The following TAOK2 variants were observed in gnomAD, a reference collection of about 807,000 sequenced individuals.
The protein encoded by TAOK2 is serine/threonine-protein kinase TAO2.
A neutral mutation model predicts 122.5 loss-of-function variants in TAOK2; 42 were observed. The observed-to-expected ratio is 0.34, with a 90% CI of 0.27 to 0.44. The LOEUF (loss-of-function observed/expected upper bound fraction) is 0.44, where lower values mean the gene tolerates loss of function less well. Ranked by LOEUF, TAOK2 falls within the 20% of genes least tolerant of loss-of-function variation. TAOK2 has a pLI of 1.00. For missense variants in TAOK2, 1,264 were observed against 1,644.9 expected (o/e 0.77, Z 4.01); for synonymous variants, 704 against 677.6 (o/e 1.04, Z -0.61).
chr16:29,987,902 C>A lies in TAOK2; in HGVS notation c.3630C>A (p.Ser1210=). The A allele has an allele frequency of 6.3e-7, 1 of 1,589,416 alleles. No homozygotes were observed. The highest frequency in any genetic ancestry group is 8.5e-7 in the Non-Finnish European group (1 of 1,171,934). The change falls in exon 16 of 16, where the codon TCC becomes TCA. Residue 1210 remains serine, a synonymous_variant. Transcript: ENST00000308893. ...RSQRQLGPPA[S]RQPLPGTLAG... is the part of the protein sequence containing the mutation. ...AGCGCCAGCTAGGGCCCCCTGCCTC[C>A]CGCCAGCCACTGCCAGGGACTCTAG... is the stretch of plus-strand genomic sequence containing the variant.
At chr16:29,975,104 G>T (rs1000650947) in intron 1 of TAOK2, among the ~76,000 whole-genome samples, 1 of 152,120 alleles carries the variant, frequency 6.6e-6, no homozygotes, top group African/African-American at 2.4e-5. Context: ...GGAAGTGTGT[G>T]TATATGTGTT....
chr16:29,977,701 A>G lies in TAOK2; in HGVS notation c.-35-37A>G, dbSNP rs983457886. ...GTCCCTTCCTCTCCCTGAAGGCTCA[A>G]TCCTTGATCTCTAAGGGTCCCATTT... On this transcript the variant is annotated intron_variant, in intron 1 of 15. Transcript: ENST00000308893. 1.8e-5 allele frequency: 28 copies of G among 1,576,478 alleles called. 1 individual carries two copies. The highest frequency in any genetic ancestry group is 4.2e-4 in the Middle Eastern group (2 of 4,778).
At chr16:29,984,217 C>A (rs2069711374) in intron 13 of TAOK2, among the ~76,000 whole-genome samples, 1 of 152,208 alleles carries the variant, frequency 6.6e-6, no homozygotes, top group Admixed American at 6.5e-5. Flanking sequence ...CCCAGCCCCC[C>A]TGGGAGGGGA....
downstream of TAOK2, chr16:29,991,055 G>C: frequency 2.5e-6 from 4 of 1,574,240 alleles, no homozygotes; most frequent in Middle Eastern, 3.4e-4. This position sits in a 1 kb window ranked among gnomAD's most constrained non-coding sequence, Gnocchi z 5.6. Flanking sequence ...AGGTGGAAGA[G>C]GAGCTGCTGG....
In TAOK2 at chr16:29,985,570, C is replaced by T; in HGVS notation, c.1780C>T (p.Leu594=). ...KRTYKLRKEQ[L]KEELQENPST... is the part of the protein sequence containing the mutation. ...GACCTACAAACTTCGCAAGGAACAGCTGAAGGAGGTGAGCTAGGGCTGCTT... is the reference window on the plus strand; with the variant it reads ...GACCTACAAACTTCGCAAGGAACAGTTGAAGGAGGTGAGCTAGGGCTGCTT... Residue 594 remains leucine (L), a synonymous_variant, in exon 14 of 16, where the codon CTG becomes TTG. Transcript: ENST00000308893. This position sits in a 1 kb window ranked among gnomAD's most constrained non-coding sequence, Gnocchi z 6.9. 1.9e-6 allele frequency: 3 copies of T among 1,602,412 alleles called. No homozygotes were observed. Among genetic ancestry groups the T allele is most frequent in the Non-Finnish European group, 2.6e-6 (3 of 1,172,490 alleles).
At chr16:29,988,762 G>A (rs1241116007), downstream of TAOK2, 7 of 985,400 alleles carry the variant, frequency 7.1e-6, no homozygotes, top group Non-Finnish European at 8.4e-6. Context: ...TTACCCTAGT[G>A]GGTTGGGGGA....
chr16:29,988,419 T>G (rs1269912417), downstream of TAOK2: 3 of 1,292,982 alleles, frequency 2.3e-6, no homozygotes, highest in Non-Finnish European at 3.0e-6. Context: ...AGGCTGCCTC[T>G]GTCTGCTTTG....
At chr16:29,991,324 A>G, downstream of TAOK2, 1 of 1,608,010 alleles carries the variant, frequency 6.2e-7, no homozygotes, top group Non-Finnish European at 8.5e-7. The surrounding 1 kb of genome is among the most constrained non-coding windows in gnomAD (Gnocchi z 5.6). Context: ...GCCTGGCGTC[A>G]GCCGTCTCTG....
chr16:29,974,378 G>C lies in TAOK2; in HGVS notation c.-306G>C, dbSNP rs753680406. On this transcript the variant is annotated 5_prime_UTR_variant, in exon 1 of 16. Coordinates refer to ENST00000308893, the MANE Select transcript of TAOK2 (RefSeq NM_016151.4). ...TCGGATTCAGTCTCCATCCCGTTCA[G>C]ATATTCGGGGTTCAGACCCCACAAT... The C allele has an allele frequency of 6.6e-6, 1 of 152,634 alleles. No homozygotes were observed. Among genetic ancestry groups the C allele is most frequent in the Non-Finnish European group, 1.5e-5 (1 of 68,044 alleles). The allele number at this position is 152,634 out of a possible 1,614,324, so 9.5% of individuals were successfully genotyped here. A position where few individuals can be genotyped will look rare whatever the true frequency, so the allele number is the denominator to read the frequency against.
At position 29,978,128 on chromosome 16, in the gene TAOK2, A is replaced by G. The variant is rs2150883387; in HGVS notation, c.172A>G (p.Lys58Glu). The G allele has an allele frequency of 6.2e-7, 1 of 1,614,114 alleles. No homozygotes were observed. The highest frequency in any genetic ancestry group is 8.5e-7 in the Non-Finnish European group (1 of 1,180,000). The change falls in exon 3 of 16, where the codon AAG becomes GAG. Residue 58 changes from lysine (K) to glutamate (E), a missense_variant. By Grantham distance (56) the Lys-to-Glu change is moderately conservative. Around this residue, in one of 4 missense-constraint regions of TAOK2, gnomAD observed 254 missense variants for 503.8 expected, o/e 0.50. Coordinates refer to ENST00000308893, the MANE Select transcript of TAOK2 (RefSeq NM_016151.4). ...VRNSEVVAIK[K>E]MSYSGKQSNE... ...GAATAGTGAGGTGGTGGCCATCAAG[A>G]AGATGTCCTACAGTGGGAAGCAGTC...
intron 8 of TAOK2, 136 bp from the exon 9 acceptor site, chr16:29,981,525 A>G (rs1323509518): frequency 1.3e-6 from 1 of 772,516 alleles, no homozygotes; most frequent in East Asian, 2.6e-5. Context: ...ACGCAACAGG[A>G]TGATGGGAAC....
In TAOK2 at chr16:29,977,864, T is replaced by G; in HGVS notation, c.92T>G (p.Leu31Arg). The G allele has an allele frequency of 6.2e-7, 1 of 1,614,142 alleles. No homozygotes were observed. The highest frequency in any genetic ancestry group is 8.5e-7 in the Non-Finnish European group (1 of 1,180,008). ...GACCCAGAAAAGCTCTTCTCTGACC[T>G]CCGGGAAATTGGCCATGGCAGCTTT... ...KDDPEKLFSD[L>R]REIGHGSFGA... The change falls in exon 2 of 16, where the codon CTC becomes CGC. Residue 31 changes from leucine (L) to arginine (R), a missense_variant. Transcript: ENST00000308893.
rs1233577728 is a variant in TAOK2 at position 29,983,483 on chromosome 16, T to C, written c.1261-20T>C. ...CCCAGTGGCCTCTGAGCCTTGGGTGTTCCTTCTATCTCCCTCTAGGGCTCT... is the reference window on the plus strand; with the variant it reads ...CCCAGTGGCCTCTGAGCCTTGGGTGCTCCTTCTATCTCCCTCTAGGGCTCT... On this transcript the variant is annotated intron_variant, in intron 12 of 15. Transcript: ENST00000308893. 3.1e-6 allele frequency: 5 copies of C among 1,594,660 alleles called. No homozygotes were observed. Among genetic ancestry groups the C allele is most frequent in the Non-Finnish European group, 4.3e-6 (5 of 1,166,830 alleles).
rs970533552 is a variant in TAOK2 at position 29,987,772 on chromosome 16, G to T, written c.3500G>T (p.Gly1167Val). 7 of 1,614,024 alleles carry T rather than the reference G, an allele frequency of 4.3e-6. No homozygotes were observed. Among genetic ancestry groups the T allele is most frequent in the Non-Finnish European group, 5.9e-6 (7 of 1,179,938 alleles). Reference protein sequence around the residue: ...WNWRLARASQGLASHLPPWAI... With the variant: ...WNWRLARASQVLASHLPPWAI... ...TGGCGTCTGGCACGGGCCAGCCAGG[G>T]TTTAGCATCCCACTTGCCCCCGTGG... Residue 1167 changes from glycine (G) to valine (V), a missense_variant, in exon 16 of 16, where the codon GGT becomes GTT. Transcript: ENST00000308893.
At position 29,986,947 on chromosome 16, in the gene TAOK2, G is replaced by T; in HGVS notation, c.2675G>T (p.Gly892Val). Reference protein sequence around the residue: ...DEEFELGWVQGPALTPVPEEE... With the variant: ...DEEFELGWVQVPALTPVPEEE... Reference sequence around the variant, plus strand: ...GAGTTTGAGCTTGGCTGGGTCCAGGGCCCAGCACTGACTCCCGTCCCTGAG... The same window carrying T: ...GAGTTTGAGCTTGGCTGGGTCCAGGTCCCAGCACTGACTCCCGTCCCTGAG... Residue 892 changes from glycine (G) to valine (V), a missense_variant, in exon 16 of 16, where the codon GGC becomes GTC. Physicochemically the swap from Gly to Val is moderately radical, Grantham distance 109. Coordinates refer to ENST00000308893, the MANE Select transcript of TAOK2 (RefSeq NM_016151.4). The surrounding 1 kb of genome is among the most constrained non-coding windows in gnomAD (Gnocchi z 4.2). The T allele has an allele frequency of 6.2e-7, 1 of 1,613,982 alleles. No homozygotes were observed. The highest frequency in any genetic ancestry group is 8.5e-7 in the Non-Finnish European group (1 of 1,179,904).
At position 29,985,491 on chromosome 16, in the gene TAOK2, C is replaced by T. The variant is rs984086771; in HGVS notation, c.1701C>T (p.His567=). The T allele has an allele frequency of 6.2e-7, 1 of 1,612,476 alleles. No individual in the cohort carries two copies. Among genetic ancestry groups the T allele is most frequent in the African/African-American group, 1.3e-5 (1 of 74,936 alleles). ...AQAEERKFQQ[H]ILGQQKKELA... is the part of the protein sequence containing the mutation. ...CCGAGGAGCGGAAGTTCCAGCAGCA[C>T]ATCCTTGGGCAGCAGAAGAAGGAGC... Residue 567 remains histidine, a synonymous_variant, in exon 14 of 16, where the codon CAC becomes CAT. Transcript: ENST00000308893. This position sits in a 1 kb window ranked among gnomAD's most constrained non-coding sequence, Gnocchi z 6.9.
At position 29,985,923 on chromosome 16, in the gene TAOK2, T is replaced by C; in HGVS notation, c.1992+62T>C. The C allele has an allele frequency of 6.5e-7, 1 of 1,546,154 alleles. No homozygotes were observed. Among genetic ancestry groups the C allele is most frequent in the Non-Finnish European group, 8.8e-7 (1 of 1,137,402 alleles). On this transcript the variant is annotated intron_variant, in intron 15 of 15. Coordinates refer to ENST00000308893, the MANE Select transcript of TAOK2 (RefSeq NM_016151.4). The surrounding 1 kb of genome is among the most constrained non-coding windows in gnomAD (Gnocchi z 6.9). ...CGTGGATCCCAGGGACCCACCCTTT[T>C]CCATTTTCCTCATTCTTGTCTTCTT...
In TAOK2 at chr16:29,986,159, G is replaced by C; in HGVS notation, c.1993-106G>C. On this transcript the variant is annotated intron_variant, in intron 15 of 15. Coordinates refer to ENST00000308893, the MANE Select transcript of TAOK2 (RefSeq NM_016151.4). The surrounding 1 kb of genome is among the most constrained non-coding windows in gnomAD (Gnocchi z 4.2). ...TTCCTTGATACTGACCAGGCCCTGG[G>C]CCCTGTGTTTCTTCCGCCATCCCCA... 1 of 1,464,446 alleles carries C rather than the reference G, an allele frequency of 6.8e-7. No homozygotes were observed. Among genetic ancestry groups the C allele is most frequent in the Non-Finnish European group, 9.1e-7 (1 of 1,094,948 alleles). 90.7% of individuals were successfully genotyped at this position (1,464,446 alleles called of 1,614,324 possible).
chr16:29,985,247 C>T lies in TAOK2; in HGVS notation c.1457C>T (p.Ser486Phe). Residue 486 changes from serine (S) to phenylalanine (F), a missense_variant, in exon 14 of 16, where the codon TCT (serine) becomes TTT (phenylalanine). Transcript: ENST00000308893. The surrounding 1 kb of genome is among the most constrained non-coding windows in gnomAD (Gnocchi z 6.9). The part of the protein sequence containing the change: ...SRQIQEHEQD[S>F]ALREQLSGYK... ...CAGATCCAGGAGCATGAGCAGGACT[C>T]TGCGCTGCGGGAGCAGCTGAGCGGC... The T allele has an allele frequency of 1.3e-6, 2 of 1,544,598 alleles. No individual in the cohort carries two copies. The highest frequency in any genetic ancestry group is 2.5e-5 in the South Asian group (2 of 79,698).
Sources: gnomAD v4.1 joint callset for allele counts (sites outside exome capture counted in the v4.1 genomes callset) on GRCh38, gnomAD v4.1.1 for gene constraint, gnomAD v4.1.1 regional missense constraint, Gnocchi (gnomAD v3.1) non-coding constraint, MANE v1.5 for transcripts, NCBI Gene and HGNC (gene_info 2026-07-23, HGNC 2026-07-21) for gene names.